The following DBX2 variants were observed in gnomAD, a reference collection of about 807,000 sequenced individuals.
DBX2 encodes homeobox protein DBX2.
In DBX2, 16 loss-of-function variants were observed where a neutral mutation model predicts 17.7. That is an observed-to-expected ratio of 0.90 (90% CI 0.61 to 1.37). DBX2 has a LOEUF of 1.37. Ranked by LOEUF, DBX2 falls within the 40% of genes most tolerant of loss-of-function variation. The pLI, the probability that DBX2 is intolerant of heterozygous loss-of-function variation, is 0.00. For synonymous variants in DBX2, 255 were observed against 183.8 expected, an observed-to-expected ratio of 1.39 and a Z score of -3.13; for missense variants, 538 against 433.8, an observed-to-expected ratio of 1.24 and a Z score of -2.13.
At chr12:45,045,621 T>C (rs1463336244) in intron 1 of DBX2, among the ~76,000 whole-genome samples, 1 of 152,212 alleles carries the variant, frequency 6.6e-6, no homozygotes, top group Non-Finnish European at 1.5e-5. Flanking sequence ...AGAACTATCA[T>C]GGAGTCTAAG....
chr12:45,020,006 T>C (rs1490462432), intron 3 of DBX2, among the ~76,000 whole-genome samples: 1 of 152,172 alleles, frequency 6.6e-6, no homozygotes, highest in Non-Finnish European at 1.5e-5. Context: ...TTTACATAAA[T>C]TACTGAATAC....
intron 1 of DBX2, among the ~76,000 whole-genome samples, chr12:45,045,796 C>T (rs12829582): frequency 0.075 from 11,439 of 152,118 alleles, 551 homozygotes; most frequent in Admixed American, 0.12. Flanking sequence ...CACAGAAATC[C>T]CTTTAAATTG....
At chr12:45,041,402 A>G (rs769144692) in intron 1 of DBX2, among the ~76,000 whole-genome samples, 14 of 152,118 alleles carry the variant, frequency 9.2e-5, no homozygotes, top group Non-Finnish European at 1.9e-4. Context: ...GACTCCAAAG[A>G]GCAGCAAACA....
chr12:45,051,048 G>A lies in DBX2; in HGVS notation c.-121C>T, dbSNP rs1946531694. ...GCCTCCCGCAGGGCTGGAGCGCGCG[G>A]AGCCAGGCAGGGAGGAAAGGCCACC... On this transcript the variant is annotated 5_prime_UTR_variant, in exon 1 of 4. Transcript: ENST00000332700. The A allele has an allele frequency of 1.6e-6, 2 of 1,223,966 alleles. No homozygotes were observed. Among genetic ancestry groups the A allele is most frequent in the South Asian group, 3.0e-5 (1 of 33,670 alleles). The allele number at this position is 1,223,966 out of a possible 1,614,324, so 75.8% of individuals were successfully genotyped here. A position where few individuals can be genotyped will look rare whatever the true frequency, so the allele number is the denominator to read the frequency against.
rs1182648674 is a variant in DBX2 at position 45,050,898 on chromosome 12, G to A, written c.30C>T (p.Ala10=). 3 of 1,514,334 alleles carry A rather than the reference G, an allele frequency of 2.0e-6. No individual in the cohort carries two copies. The highest frequency in any genetic ancestry group is 2.6e-6 in the Non-Finnish European group (3 of 1,133,344). 93.8% of individuals were successfully genotyped at this position (1,514,334 alleles called of 1,614,324 possible). MLPSAVAAH[A]GAYWDVVASS... ...AAGCCACAACGTCCCAGTACGCACC[G>A]GCGTGGGCTGCGACCGCGCTGGGGA... is the stretch of plus-strand genomic sequence containing the variant. The change falls in exon 1 of 4, where the codon GCC becomes GCT. Residue 10 remains alanine (A), a synonymous_variant. Coordinates refer to ENST00000332700, the MANE Select transcript of DBX2 (RefSeq NM_001004329.3).
At chr12:45,030,317 C>CT (rs1946402867) in intron 2 of DBX2, among the ~76,000 whole-genome samples, 1 of 151,414 alleles carries the variant, frequency 6.6e-6, no homozygotes, top group Non-Finnish European at 1.5e-5. Context: ...TCTGGCCTGT[C>CT]TATCTACACC....
At chr12:45,030,191 A>T (rs1488131510) in intron 2 of DBX2, among the ~76,000 whole-genome samples, 1 of 152,150 alleles carries the variant, frequency 6.6e-6, no homozygotes, top group African/African-American at 2.4e-5. Context: ...GGAAATCATG[A>T]CTTAACTCTG....
chr12:45,029,973 G>A (rs1946400892), intron 2 of DBX2, among the ~76,000 whole-genome samples: 1 of 151,926 alleles, frequency 6.6e-6, no homozygotes, highest in South Asian at 2.1e-4. Flanking sequence ...GGATTCCCTG[G>A]ATTCCAGGAT....
At chr12:45,039,093 A>G (rs1946455434) in intron 1 of DBX2, among the ~76,000 whole-genome samples, 1 of 151,402 alleles carries the variant, frequency 6.6e-6, no homozygotes, top group African/African-American at 2.4e-5. Flanking sequence ...TGATTGCTAT[A>G]CATAAATACA....
chr12:45,039,689 A>T (rs531481216), intron 1 of DBX2, among the ~76,000 whole-genome samples: 13 of 152,234 alleles, frequency 8.5e-5, no homozygotes, highest in Admixed American at 8.5e-4. Flanking sequence ...CATTCGACAC[A>T]TCTGAAATGT....
At chr12:45,035,280 C>T (rs1946433917) in intron 2 of DBX2, among the ~76,000 whole-genome samples, 1 of 152,242 alleles carries the variant, frequency 6.6e-6, no homozygotes, top group South Asian at 2.1e-4. Flanking sequence ...GAAAGAAATG[C>T]ACCCTTCCAC....
rs115245615 is a variant in DBX2, at chr12:45,024,171, G to T, written c.500-277C>A. ...CTCATGAAAGTGAATGAGGTCTCAC[G>T]AGATCTGATGGTTTTGTGAGGGGCT... On this transcript the variant is annotated intron_variant, in intron 2 of 3. Transcript: ENST00000332700. 6.4e-3 allele frequency among the ~76,000 whole-genome samples: 969 copies of T among 152,154 alleles called. 14 individuals are homozygous for T. Among genetic ancestry groups the T allele is most frequent in the African/African-American group, 0.022 (905 of 41,470 alleles).
chr12:45,031,426 A>G (rs1010629792), intron 2 of DBX2, among the ~76,000 whole-genome samples: 1 of 152,006 alleles, frequency 6.6e-6, no homozygotes, highest in Non-Finnish European at 1.5e-5. Flanking sequence ...ATTCCCTTAT[A>G]ACAAGCCAAA....
At chr12:45,029,480 C>A (rs1946397572) in intron 2 of DBX2, among the ~76,000 whole-genome samples, 1 of 152,174 alleles carries the variant, frequency 6.6e-6, no homozygotes, top group African/African-American at 2.4e-5. Flanking sequence ...CAAATCAATG[C>A]CTTTGTCAAA....
chr12:45,024,197 T>C (rs1379950260), intron 2 of DBX2, among the ~76,000 whole-genome samples: 1 of 152,142 alleles, frequency 6.6e-6, no homozygotes, highest in Non-Finnish European at 1.5e-5. Context: ...GTGAGGGGCT[T>C]TTCCCCACTT....
chr12:45,044,409 A>ATT (rs981208728), intron 1 of DBX2, among the ~76,000 whole-genome samples: 49 of 152,300 alleles, frequency 3.2e-4, no homozygotes, highest in African/African-American at 1.2e-3. Context: ...AATTTTAAAA[A>ATT]TAATAGAGAC....
At chr12:45,042,983 G>A (rs1056876020) in intron 1 of DBX2, among the ~76,000 whole-genome samples, 4 of 152,114 alleles carry the variant, frequency 2.6e-5, no homozygotes, top group African/African-American at 7.2e-5. Context: ...ATCTAAACTC[G>A]AGGAGATTCC....
chr12:45,033,492 C>T (rs1158398266), intron 2 of DBX2, among the ~76,000 whole-genome samples: 3 of 151,924 alleles, frequency 2.0e-5, no homozygotes, highest in Non-Finnish European at 4.4e-5. Context: ...TAGTAAATGC[C>T]TTAAATTAAA....
At chr12:45,023,460 G>A (rs191477315) in intron 3 of DBX2, among the ~76,000 whole-genome samples, 2 of 152,206 alleles carry the variant, frequency 1.3e-5, no homozygotes, top group East Asian at 1.9e-4. Flanking sequence ...TCAGCAAATG[G>A]ACCTATTTCC....
Sources: allele counts gnomAD v4.1 joint callset (sites outside exome capture counted in the v4.1 genomes callset), GRCh38; gene constraint gnomAD v4.1.1; transcripts MANE v1.5; gene names NCBI Gene and HGNC (gene_info 2026-07-23, HGNC 2026-07-21).